The following DHDDS variants were observed in gnomAD, a reference collection of about 807,000 sequenced individuals.
The protein encoded by DHDDS is dehydrodolichyl diphosphate synthase subunit, also known as dehydrodolichyl diphosphate synthase complex subunit DHDDS.
DHDDS carries 16 observed loss-of-function variants against 46.2 expected under a neutral mutation model. The observed-to-expected ratio is 0.35, with a 90% CI of 0.23 to 0.53. The LOEUF is 0.53. DHDDS is among the 20% of genes least tolerant of loss of function. The pLI, the probability that DHDDS is intolerant of heterozygous loss-of-function variation, is 0.94. For missense variants in DHDDS, 340 were observed against 423.7 expected (o/e 0.80, Z 1.73); for synonymous variants, 151 against 163.1 (o/e 0.93, Z 0.56).
chr1:26,446,482 T>G, intron 5 of DHDDS, 50 bp downstream of exon 5: 1 of 1,573,092 alleles, frequency 6.4e-7, no homozygotes, highest in African/African-American at 1.3e-5. Flanking sequence ...TTTGATTCCC[T>G]GCTGGCTTTA....
chr1:26,432,889 A>G lies in DHDDS; in HGVS notation c.-55-2A>G. The G allele has an allele frequency of 6.3e-7, 1 of 1,588,634 alleles. No individual in the cohort carries two copies. The highest frequency in any genetic ancestry group is 1.1e-5 in the South Asian group (1 of 90,468). On this transcript the variant is annotated splice_acceptor_variant, in intron 1 of 8. Transcript: ENST00000236342. LOFTEE classifies it low-confidence loss of function (5UTR_SPLICE). The stretch of plus-strand genomic sequence containing the variant: ...TCTTATTTTCTTTCTTGTTTATCCA[A>G]GATTACCTGGCTGGTGTTTGCTTGT...
chr1:26,449,223 C>T (rs1328196157), intron 6 of DHDDS, among the ~76,000 whole-genome samples: 4 of 151,844 alleles, frequency 2.6e-5, no homozygotes, highest in African/African-American at 9.7e-5. Context: ...CTCAGCTTCC[C>T]AAGTAGCTGG....
intron 6 of DHDDS, among the ~76,000 whole-genome samples, chr1:26,448,920 A>G (rs932187217): frequency 2.0e-5 from 3 of 152,126 alleles, no homozygotes; most frequent in Non-Finnish European, 4.4e-5. Context: ...TGACCTAGGA[A>G]ACTAGATTAA....
chr1:26,449,011 CTCCT>C (rs1391902453), intron 6 of DHDDS, among the ~76,000 whole-genome samples: 1 of 152,154 alleles, frequency 6.6e-6, no homozygotes, highest in African/African-American at 2.4e-5. Flanking sequence ...ATGAATGCCT[CTCCT>C]TCCTAACAGC....
intron 6 of DHDDS, among the ~76,000 whole-genome samples, chr1:26,453,541 G>A (rs2075341439): frequency 6.6e-6 from 1 of 152,122 alleles, no homozygotes; most frequent in Non-Finnish European, 1.5e-5. Context: ...TGGATCGCTT[G>A]AGCTCATAAG....
chr1:26,455,179 G>C (rs2075359309), intron 6 of DHDDS: 1 of 759,390 alleles, frequency 1.3e-6, no homozygotes, highest in Admixed American at 1.7e-5. Flanking sequence ...TAAGTGAATA[G>C]TGAACCATTT....
intron 8 of DHDDS, chr1:26,467,476 C>T (rs1349140255): frequency 2.6e-6 from 1 of 386,892 alleles, no homozygotes; most frequent in Admixed American, 3.0e-5. Flanking sequence ...CCAGAATTCT[C>T]ATTTGTCATC....
chr1:26,447,564 T>C lies in DHDDS; in HGVS notation c.446T>C (p.Phe149Ser). 6.2e-7 allele frequency: 1 copy of C among 1,613,518 alleles called. No individual in the cohort carries two copies. The highest frequency in any genetic ancestry group is 1.7e-4 in the Middle Eastern group (1 of 6,056). Reference protein sequence around the residue: ...VQATKNYNKCFLNVCFAYTSR... With the variant: ...VQATKNYNKCSLNVCFAYTSR... The stretch of plus-strand genomic sequence containing the variant: ...TTCTCTTCTTCCCTCCTCAGGTGTT[T>C]CCTGAATGTCTGTTTTGCATACACA... Residue 149 changes from phenylalanine (F) to serine (S), a missense_variant, in exon 6 of 9, where the codon TTC (phenylalanine) becomes TCC (serine). Phe to Ser is a radical substitution (Grantham distance 155). This residue lies in a region of DHDDS where 268 missense variants were observed against 300.3 expected (regional missense o/e 0.89). Coordinates refer to ENST00000236342, the MANE Select transcript of DHDDS (RefSeq NM_205861.3).
In DHDDS at chr1:26,445,796, G is replaced by A. The variant is rs138964747; in HGVS notation, c.324-520G>A. Among the ~76,000 whole-genome samples the A allele has an allele frequency of 5.1e-4, 77 of 152,056 alleles. 1 individual carries two copies. The East Asian group carries it at 0.013, about 26-fold the overall frequency. ...CTCAGCACTTGGGAGGCCGAGACAG[G>A]CAGATCACTTGAGGTCAAGGGTTCG... On this transcript the variant is annotated intron_variant, in intron 4 of 8. Coordinates refer to ENST00000236342, the MANE Select transcript of DHDDS (RefSeq NM_205861.3).
At chr1:26,452,495 C>T (rs1162372128) in intron 6 of DHDDS, among the ~76,000 whole-genome samples, 1 of 152,154 alleles carries the variant, frequency 6.6e-6, no homozygotes, top group African/African-American at 2.4e-5. Flanking sequence ...TCCCTGTAGG[C>T]CTCTGTCTTT....
chr1:26,440,384 T>C (rs1020884227), intron 3 of DHDDS, among the ~76,000 whole-genome samples: 3 of 152,310 alleles, frequency 2.0e-5, no homozygotes, highest in Admixed American at 6.5e-5. Context: ...TCAGAATTCA[T>C]TGGCACCCCT....
At chr1:26,440,858 A>G (rs1321305697) in intron 3 of DHDDS, among the ~76,000 whole-genome samples, 1 of 150,492 alleles carries the variant, frequency 6.6e-6, no homozygotes, top group Non-Finnish European at 1.5e-5. Context: ...ATTGTCCTCC[A>G]CCTCTCAACA....
chr1:26,441,274 G>A (rs7365446), intron 3 of DHDDS, among the ~76,000 whole-genome samples: 106,763 of 149,764 alleles, frequency 0.71, 38,044 homozygotes, highest in East Asian at 0.83. Flanking sequence ...GGAGTGCAGT[G>A]GTGAGATCTC....
chr1:26,455,661 C>G (rs2075364058), intron 6 of DHDDS, among the ~76,000 whole-genome samples: 1 of 152,108 alleles, frequency 6.6e-6, no homozygotes, highest in Non-Finnish European at 1.5e-5. Flanking sequence ...GCAAGAGAAT[C>G]ACTTGAACCC....
At position 26,469,577 on chromosome 1, in the gene DHDDS, C is replaced by A. The variant is rs2075531836; in HGVS notation, c.*446C>A. On this transcript the variant is annotated 3_prime_UTR_variant, in exon 9 of 9. Coordinates refer to ENST00000236342, the MANE Select transcript of DHDDS (RefSeq NM_205861.3). ...CTACCTTGGATCTGCTAGTAAATAA[C>A]TAATAGGCAGGCAGTTATTTGGGTA... 4.0e-6 allele frequency: 1 copy of A among 247,166 alleles called. No individual in the cohort carries two copies. The highest frequency in any genetic ancestry group is 8.2e-6 in the Non-Finnish European group (1 of 122,350). 15.3% of individuals were successfully genotyped at this position (247,166 alleles called of 1,614,324 possible).
chr1:26,457,277 G>A (rs1484551753), intron 6 of DHDDS, among the ~76,000 whole-genome samples: 21 of 150,630 alleles, frequency 1.4e-4, no homozygotes, highest in Non-Finnish European at 2.7e-4. Flanking sequence ...TGGCTAACAT[G>A]GTGAAACCCT....
intron 8 of DHDDS, among the ~76,000 whole-genome samples, chr1:26,460,580 T>C (rs1317146193): frequency 1.3e-5 from 2 of 152,268 alleles, no homozygotes; most frequent in Admixed American, 1.3e-4. Flanking sequence ...TAGCATTGTC[T>C]TTCCATTGTG....
chr1:26,457,146 A>G (rs1452387418), intron 6 of DHDDS, among the ~76,000 whole-genome samples: 2 of 152,076 alleles, frequency 1.3e-5, no homozygotes, highest in East Asian at 3.8e-4. Flanking sequence ...TTCCTTATCT[A>G]TAAAATGAGG....
chr1:26,452,962 C>T (rs1443348996), intron 6 of DHDDS, among the ~76,000 whole-genome samples: 1 of 151,966 alleles, frequency 6.6e-6, no homozygotes. Flanking sequence ...GCTGGGTGTG[C>T]TGGCACACAC....
Sources: gnomAD v4.1 joint callset for allele counts (sites outside exome capture counted in the v4.1 genomes callset) on GRCh38, gnomAD v4.1.1 for gene constraint, gnomAD v4.1.1 regional missense constraint, MANE v1.5 for transcripts, NCBI Gene and HGNC (gene_info 2026-07-23, HGNC 2026-07-21) for gene names.